The following SYT1 variants were observed in gnomAD, a reference collection of about 807,000 sequenced individuals.
SYT1 encodes synaptotagmin-1.
Under a neutral mutation model 44.8 loss-of-function variants are expected in SYT1, and 8 were observed. The ratio of observed to expected loss-of-function variants is 0.18; its 90% CI spans 0.10 to 0.32. SYT1 has a LOEUF of 0.32. SYT1 is among the 10% of genes least tolerant of loss of function. SYT1 has a pLI of 1.00. For missense variants in SYT1, 286 were observed against 509.3 expected, an observed-to-expected ratio of 0.56 and a Z score of 4.22; for synonymous variants, 154 against 188.8, an observed-to-expected ratio of 0.82 and a Z score of 1.51.
chr12:78,971,866 A>G (rs1339531360), intron 1 of SYT1, among the ~76,000 whole-genome samples: 1 of 152,120 alleles, frequency 6.6e-6, no homozygotes, highest in Non-Finnish European at 1.5e-5. Flanking sequence ...AGTAAATTCA[A>G]TTTCTGAACA....
intron 9 of SYT1, among the ~76,000 whole-genome samples, chr12:79,397,497 C>A (rs1024013912): frequency 6.6e-6 from 1 of 152,046 alleles, no homozygotes; most frequent in Admixed American, 6.6e-5. Context: ...CAAAGTGTTG[C>A]GATTACAGGC....
chr12:79,115,955 A>G (rs1474483222), intron 3 of SYT1, among the ~76,000 whole-genome samples: 1 of 152,236 alleles, frequency 6.6e-6, no homozygotes, highest in Admixed American at 6.5e-5. Flanking sequence ...CCTGAAAGCT[A>G]TAATGAGCAA....
intron 9 of SYT1, among the ~76,000 whole-genome samples, chr12:79,366,219 G>A (rs1214573791): frequency 6.6e-6 from 1 of 152,130 alleles, no homozygotes; most frequent in African/African-American, 2.4e-5. Flanking sequence ...ACAGTAATTA[G>A]GAATCTATTC....
In SYT1 at chr12:79,251,634, T is replaced by G. The variant is rs1259322436; in HGVS notation, c.166+33949T>G. On this transcript the variant is annotated intron_variant, in intron 4 of 10. Coordinates refer to ENST00000261205, the MANE Select transcript of SYT1 (RefSeq NM_005639.3). Reference sequence around the variant, plus strand: ...GTTTATAACTTCTATTTATAGAAGTTCAGCACTCACCAAGTGAAGAGCTCT... The same window carrying G: ...GTTTATAACTTCTATTTATAGAAGTGCAGCACTCACCAAGTGAAGAGCTCT... 2.0e-5 allele frequency among the ~76,000 whole-genome samples: 3 copies of G among 152,300 alleles called. No homozygotes were observed. In the East Asian group the frequency reaches 5.8e-4, roughly 29 times the overall value.
chr12:79,263,138 G>A (rs559182826), intron 4 of SYT1, among the ~76,000 whole-genome samples: 1 of 152,214 alleles, frequency 6.6e-6, no homozygotes, highest in Admixed American at 6.5e-5. Context: ...TAAAGAAATT[G>A]TTCAGTGCAA....
chr12:79,352,194 CCCAA>C (rs75720482), intron 8 of SYT1, among the ~76,000 whole-genome samples: 4,945 of 150,946 alleles, frequency 0.033, 89 homozygotes, highest in Middle Eastern at 0.065. Flanking sequence ...ACACCCCCCC[CCCAA>C]AAAAAAAACG....
chr12:79,433,841 A>T (rs1329379626), intron 9 of SYT1, among the ~76,000 whole-genome samples: 1 of 152,246 alleles, frequency 6.6e-6, no homozygotes, highest in Non-Finnish European at 1.5e-5. Flanking sequence ...ATACAAACGT[A>T]TTGTACTTGC....
intron 4 of SYT1, among the ~76,000 whole-genome samples, chr12:79,226,112 G>A (rs1193768502): frequency 6.6e-6 from 1 of 152,100 alleles, no homozygotes; most frequent in Non-Finnish European, 1.5e-5. Context: ...TGTATCCTGA[G>A]CCATTCCTCT....
At chr12:79,128,669 TA>T (rs1868600373) in intron 3 of SYT1, among the ~76,000 whole-genome samples, 1 of 152,190 alleles carries the variant, frequency 6.6e-6, no homozygotes, top group Admixed American at 6.5e-5. Flanking sequence ...TTATAGAACA[TA>T]AAAACCCATT....
chr12:79,141,281 A>G (rs531395538), intron 3 of SYT1, among the ~76,000 whole-genome samples: 38 of 152,204 alleles, frequency 2.5e-4, no homozygotes, highest in Non-Finnish European at 4.6e-4. Flanking sequence ...AATTAAACCT[A>G]AGGAATTGTA....
intron 9 of SYT1, among the ~76,000 whole-genome samples, chr12:79,406,991 T>C (rs1885265502): frequency 6.6e-6 from 1 of 152,088 alleles, no homozygotes; most frequent in Non-Finnish European, 1.5e-5. Flanking sequence ...CCTATGGCCC[T>C]GGACAAGTTA....
chr12:79,238,044 A>G (rs1876288653), intron 4 of SYT1, among the ~76,000 whole-genome samples: 1 of 152,338 alleles, frequency 6.6e-6, no homozygotes, highest in East Asian at 1.9e-4. Flanking sequence ...GATTTGCATA[A>G]CCAGAGAGTT....
intron 3 of SYT1, among the ~76,000 whole-genome samples, chr12:79,179,452 ATATAATC>A (rs1872316552): frequency 1.0e-4 from 6 of 59,426 alleles, no homozygotes; most frequent in Non-Finnish European, 1.5e-4. Context: ...ATAGATATAG[ATATAATC>A]TATATAGATA....
intron 4 of SYT1, among the ~76,000 whole-genome samples, chr12:79,264,176 C>T (rs1592911120): frequency 6.6e-6 from 1 of 151,250 alleles, no homozygotes; most frequent in African/African-American, 2.4e-5. Context: ...AATAATAAGC[C>T]CAGCAACTTT....
At chr12:79,272,023 G>T (rs1321563806) in intron 4 of SYT1, among the ~76,000 whole-genome samples, 1 of 152,156 alleles carries the variant, frequency 6.6e-6, no homozygotes, top group African/African-American at 2.4e-5. Context: ...TTTAACAGAT[G>T]TATCCGATAT....
intron 3 of SYT1, among the ~76,000 whole-genome samples, chr12:79,050,631 TAC>T (rs1217473968): frequency 6.6e-6 from 1 of 152,064 alleles, no homozygotes; most frequent in African/African-American, 2.4e-5. Context: ...TGGGAGTTGA[TAC>T]ACTCACTCAA....
chr12:79,070,909 T>A (rs566696719), intron 3 of SYT1, among the ~76,000 whole-genome samples: 7 of 152,254 alleles, frequency 4.6e-5, no homozygotes, highest in Non-Finnish European at 8.8e-5. Flanking sequence ...GAAAATTGTT[T>A]GGTTTTGTTT....
chr12:78,947,846 A>G (rs753962725), intron 1 of SYT1, among the ~76,000 whole-genome samples: 14 of 150,518 alleles, frequency 9.3e-5, no homozygotes, highest in Middle Eastern at 3.2e-3. Flanking sequence ...CATGGATGAG[A>G]AAAAAAAAGC....
At chr12:79,156,052 A>G (rs570104670) in intron 3 of SYT1, among the ~76,000 whole-genome samples, 1 of 152,352 alleles carries the variant, frequency 6.6e-6, no homozygotes, top group Non-Finnish European at 1.5e-5. Flanking sequence ...TGGTCATTGT[A>G]TATCTATCAA....
Sources: allele counts gnomAD v4.1 joint callset (sites outside exome capture counted in the v4.1 genomes callset), GRCh38; gene constraint gnomAD v4.1.1; transcripts MANE v1.5; gene names NCBI Gene and HGNC (gene_info 2026-07-23, HGNC 2026-07-21).